The following POLD3 variants were observed in gnomAD, a reference collection of about 807,000 sequenced individuals.
POLD3 encodes DNA polymerase delta subunit 3.
A neutral mutation model predicts 58.2 loss-of-function variants in POLD3; 19 were observed. The ratio of observed to expected loss-of-function variants is 0.33; its 90% CI spans 0.23 to 0.48. The LOEUF (loss-of-function observed/expected upper bound fraction) is 0.48. Among genes scored for constraint, POLD3 ranks in the 20% least tolerant of loss-of-function variants. POLD3 has a pLI of 0.99. For missense variants in POLD3, 504 were observed against 545.5 expected, an observed-to-expected ratio of 0.92 and a Z score of 0.76; for synonymous variants, 172 against 193.5, an observed-to-expected ratio of 0.89 and a Z score of 0.92.
chr11:74,654,278 A>G (rs1456095874), intron 4 of POLD3, among the ~76,000 whole-genome samples: 1 of 152,250 alleles, frequency 6.6e-6, no homozygotes, highest in African/African-American at 2.4e-5. Flanking sequence ...ACAAATCATA[A>G]GAAACCTGGA....
At position 74,607,244 on chromosome 11, in the gene POLD3, A is replaced by ATT. The variant is rs1554974454; in HGVS notation, c.219+2451_219+2452insTT. Among the ~76,000 whole-genome samples, 333 of 123,428 alleles carry ATT rather than the reference A, an allele frequency of 2.7e-3. 1 individual carries two copies. The highest frequency in any genetic ancestry group is 0.011 in the African/African-American group (301 of 26,466). The allele number at this position is 123,428 out of a possible 152,430, so 81.0% of individuals were successfully genotyped here. A position where few individuals can be genotyped will look rare whatever the true frequency, so the allele number is the denominator to read the frequency against. ...GTATGGAATTTATTATTATTATTAT[A>ATT]TATTTATTTATTTATTTATTTATTT... On this transcript the variant is annotated intron_variant, in intron 3 of 11. Transcript: ENST00000263681.
chr11:74,601,948 T>G (rs558051309), intron 2 of POLD3, among the ~76,000 whole-genome samples: 1 of 152,032 alleles, frequency 6.6e-6, no homozygotes, highest in Non-Finnish European at 1.5e-5. Context: ...TAAAGAGAAT[T>G]GTAGAATGTT....
intron 7 of POLD3, among the ~76,000 whole-genome samples, chr11:74,620,717 T>C (rs1004890244): frequency 4.6e-5 from 7 of 152,192 alleles, no homozygotes; most frequent in Non-Finnish European, 7.3e-5. Flanking sequence ...ACTTCTCATA[T>C]CAAGTGTACA....
At chr11:74,666,845 C>T (rs749278168) in intron 4 of POLD3, among the ~76,000 whole-genome samples, 15 of 151,438 alleles carry the variant, frequency 9.9e-5, no homozygotes, top group Admixed American at 3.3e-4. Flanking sequence ...ACTACAAAAC[C>T]ACAGTAATCA....
At chr11:74,603,447 A>G (rs528222911) in intron 2 of POLD3, among the ~76,000 whole-genome samples, 2 of 152,290 alleles carry the variant, frequency 1.3e-5, no homozygotes, top group South Asian at 2.1e-4. Flanking sequence ...TCAGAGATGG[A>G]TGAAATAAAC....
At chr11:74,664,003 A>G (rs1330163786) in intron 4 of POLD3, among the ~76,000 whole-genome samples, 1 of 152,232 alleles carries the variant, frequency 6.6e-6, no homozygotes, top group African/African-American at 2.4e-5. Flanking sequence ...TGAATAAAGG[A>G]AGATATACCA....
intron 2 of POLD3, among the ~76,000 whole-genome samples, chr11:74,599,598 GCAATCTGCC>G (rs2031409969): frequency 6.6e-6 from 1 of 151,776 alleles, no homozygotes; most frequent in African/African-American, 2.4e-5. Flanking sequence ...CCCTGACCTC[GCAATCTGCC>G]CACCTCGGCC....
In POLD3 at chr11:74,640,842, G is replaced by A. The variant is rs1403502150; in HGVS notation, c.*76G>A. ...AAGAAATGTACTCCTCACTTACTAT[G>A]TAAGTTCATCTAGATCTCCACCTCA... is the stretch of plus-strand genomic sequence containing the variant. On this transcript the variant is annotated 3_prime_UTR_variant, in exon 12 of 12. Coordinates refer to ENST00000263681, the MANE Select transcript of POLD3 (RefSeq NM_006591.3). 1 of 1,389,624 alleles carries A rather than the reference G, an allele frequency of 7.2e-7. No individual in the cohort carries two copies. The highest frequency in any genetic ancestry group is 1.5e-5 in the African/African-American group (1 of 67,662). 86.1% of individuals were successfully genotyped at this position (1,389,624 alleles called of 1,614,324 possible).
intron 4 of POLD3, among the ~76,000 whole-genome samples, chr11:74,650,339 G>A (rs1165836803): frequency 6.6e-6 from 1 of 152,166 alleles, no homozygotes; most frequent in Non-Finnish European, 1.5e-5. Context: ...CTGCTCACCT[G>A]TCAAATTCCT....
At chr11:74,665,391 A>ATTTTTTTTTTTTT (rs1202426924) in intron 4 of POLD3, among the ~76,000 whole-genome samples, 5 of 83,306 alleles carry the variant, frequency 6.0e-5, no homozygotes, top group African/African-American at 2.0e-4. Flanking sequence ...CCCTTTTATA[A>ATTTTTTTTTTTTT]TTTTTTTTTT....
At chr11:74,650,893 C>T (rs1208100958) in intron 4 of POLD3, among the ~76,000 whole-genome samples, 1 of 152,208 alleles carries the variant, frequency 6.6e-6, no homozygotes, top group South Asian at 2.1e-4. Context: ...GAGGGTTTCA[C>T]CCCACCAAGT....
intron 3 of POLD3, among the ~76,000 whole-genome samples, chr11:74,607,491 CT>C: frequency 6.6e-6 from 1 of 151,270 alleles, no homozygotes; most frequent in East Asian, 1.9e-4. Context: ...TGGTCTCGAT[CT>C]CCTGACCTTG....
intron 5 of POLD3, among the ~76,000 whole-genome samples, chr11:74,615,753 G>C (rs547286662): frequency 2.6e-5 from 4 of 152,280 alleles, no homozygotes; most frequent in African/African-American, 9.6e-5. Flanking sequence ...AGGAGAGAAA[G>C]ATATAGAATT....
rs546573827 is a variant in POLD3, at chr11:74,667,132, GAGTTGTCC to G, written c.370-1633_370-1626del. 4.7e-3 allele frequency among the ~76,000 whole-genome samples: 715 copies of G among 152,304 alleles called. 4 individuals carry two copies. The highest frequency in any genetic ancestry group is 7.4e-3 in the Non-Finnish European group (505 of 68,028). ...ATGGGCTAGGTGAGGGAGGAATGGA[GAGTTGTCC>G]AGTTGTCCAGTAGGCATAGAGTTTC... is the stretch of plus-strand genomic sequence containing the variant. On this transcript the variant is annotated intron_variant, in intron 4 of 4. Coordinates refer to the POLD3 transcript ENST00000524752.
intron 2 of POLD3, among the ~76,000 whole-genome samples, chr11:74,599,006 A>G (rs187543014): frequency 7.0e-4 from 107 of 152,338 alleles, no homozygotes; most frequent in Non-Finnish European, 1.0e-3. Context: ...ATGAATGCCA[A>G]TACATACTGA....
chr11:74,636,662 A>G (rs2032759083), intron 11 of POLD3, among the ~76,000 whole-genome samples: 1 of 152,144 alleles, frequency 6.6e-6, no homozygotes, highest in Non-Finnish European at 1.5e-5. Context: ...AGACATTGAG[A>G]AGCTTTTTTT....
At chr11:74,644,448 T>C (rs2032975647), downstream of POLD3, among the ~76,000 whole-genome samples, 1 of 152,216 alleles carries the variant, frequency 6.6e-6, no homozygotes, top group South Asian at 2.1e-4. Flanking sequence ...GCCCATGCTG[T>C]CACCATGCCC....
chr11:74,653,833 G>A (rs527356407), intron 4 of POLD3, among the ~76,000 whole-genome samples: 207 of 152,194 alleles, frequency 1.4e-3, no homozygotes, highest in Non-Finnish European at 2.2e-3. Flanking sequence ...CCTAAGACTG[G>A]GTAATTTACA....
chr11:74,636,094 T>A, intron 10 of POLD3, 103 bp from the exon 11 acceptor site: 2 of 1,074,098 alleles, frequency 1.9e-6, no homozygotes, highest in South Asian at 3.2e-5. Flanking sequence ...CTTTTTATCA[T>A]AATGGAGTAT....
Sources: gnomAD v4.1 joint callset for allele counts (sites outside exome capture counted in the v4.1 genomes callset) on GRCh38, gnomAD v4.1.1 for gene constraint, MANE v1.5 for transcripts, NCBI Gene and HGNC (gene_info 2026-07-23, HGNC 2026-07-21) for gene names.